FBXW8: variants seen among roughly 807,000 people sequenced by gnomAD.
FBXW8 encodes F-box and WD repeat domain containing 8.
A neutral mutation model predicts 65.3 loss-of-function variants in FBXW8; 57 were observed. The ratio of observed to expected loss-of-function variants is 0.87; its 90% CI spans 0.71 to 1.09. FBXW8 has a LOEUF of 1.09. Ranked by LOEUF, FBXW8 falls within the 50% of genes least tolerant of loss-of-function variation. FBXW8 has a pLI of 0.00. For synonymous variants in FBXW8, 308 were observed against 330.2 expected (o/e 0.93, Z 0.73); for missense variants, 777 against 814.8 (o/e 0.95, Z 0.57).
At chr12:116,923,276 A>AT (rs200829979) in intron 1 of FBXW8, among the ~76,000 whole-genome samples, 6,671 of 149,016 alleles carry the variant, frequency 0.045, 487 homozygotes, top group African/African-American at 0.15. Context: ...GGCCCTTGGC[A>AT]TTTTTTTTTT....
At chr12:116,956,971 A>G (rs2137373514) in intron 4 of FBXW8, among the ~76,000 whole-genome samples, 1 of 151,858 alleles carries the variant, frequency 6.6e-6, no homozygotes, top group Non-Finnish European at 1.5e-5. Flanking sequence ...CCATCTCCAA[A>G]AAATAAACAA....
At chr12:116,990,053 GTATT>G (rs1290657780) in intron 7 of FBXW8, among the ~76,000 whole-genome samples, 1 of 152,092 alleles carries the variant, frequency 6.6e-6, no homozygotes, top group Non-Finnish European at 1.5e-5. Flanking sequence ...CTTCCTCCAT[GTATT>G]TGACCTGTAA....
In FBXW8 at chr12:117,013,189, C is replaced by T. The variant is rs564966136; in HGVS notation, c.1367+2739C>T. 7.2e-4 allele frequency among the ~76,000 whole-genome samples: 110 copies of T among 152,230 alleles called. 1 individual carries two copies. Among genetic ancestry groups the T allele is most frequent in the South Asian group, 2.9e-3 (14 of 4,826 alleles). ...CCCAGGAGGCGGAGGTTGCAGTGAGCTGAGATCACACCACTGCACTCCAGC... is the reference window on the plus strand; with the variant it reads ...CCCAGGAGGCGGAGGTTGCAGTGAGTTGAGATCACACCACTGCACTCCAGC... On this transcript the variant is annotated intron_variant, in intron 8 of 10. Transcript: ENST00000652555.
At chr12:116,996,494 A>G (rs1001582989) in intron 7 of FBXW8, among the ~76,000 whole-genome samples, 5 of 135,370 alleles carry the variant, frequency 3.7e-5, no homozygotes, top group African/African-American at 1.3e-4. Flanking sequence ...CTTTTGTTCC[A>G]TATTCTAGTC....
intron 9 of FBXW8, among the ~76,000 whole-genome samples, chr12:117,024,684 T>C (rs1262613586): frequency 2.0e-5 from 3 of 152,198 alleles, no homozygotes; most frequent in Admixed American, 6.5e-5. Context: ...CTCAAAAACA[T>C]AGGAAGCTCG....
At chr12:116,967,942 A>G (rs1395794646) in intron 5 of FBXW8, among the ~76,000 whole-genome samples, 1 of 151,840 alleles carries the variant, frequency 6.6e-6, no homozygotes, top group African/African-American at 2.4e-5. Flanking sequence ...AATTTTTTAT[A>G]TTTTTAGTAG....
At chr12:116,953,702 G>A (rs930656849) in intron 4 of FBXW8, among the ~76,000 whole-genome samples, 14 of 151,884 alleles carry the variant, frequency 9.2e-5, no homozygotes, top group African/African-American at 3.4e-4. Context: ...GAACCCAGGA[G>A]GTGGAGCTTG....
In FBXW8 at chr12:117,030,742, G is replaced by C. The variant is rs1244110519; in HGVS notation, c.*2570G>C. On this transcript the variant is annotated 3_prime_UTR_variant, in exon 11 of 11. Transcript: ENST00000652555. ...TGGAAGTCGCCTGGGTTTTGTAAAG[G>C]AGAATTTTTTGGACTCAAGCTGTCA... The C allele has an allele frequency of 6.6e-6, 1 of 152,134 alleles. No homozygotes were observed. Among genetic ancestry groups the C allele is most frequent in the African/African-American group, 2.4e-5 (1 of 41,416 alleles). 9.4% of individuals were successfully genotyped at this position (152,134 alleles called of 1,614,324 possible). A position where few individuals can be genotyped will look rare whatever the true frequency, so the allele number is the denominator to read the frequency against.
chr12:116,946,800 G>A (rs1882963887), intron 3 of FBXW8, among the ~76,000 whole-genome samples: 1 of 152,048 alleles, frequency 6.6e-6, no homozygotes, highest in Admixed American at 6.5e-5. Flanking sequence ...AGGCAGAAAG[G>A]TATGACAAAG....
At chr12:116,923,701 TTTTA>T (rs1332173988) in intron 1 of FBXW8, among the ~76,000 whole-genome samples, 3 of 148,562 alleles carry the variant, frequency 2.0e-5, no homozygotes, top group African/African-American at 5.0e-5. Context: ...TTTTTTGTAT[TTTTA>T]ATTAATTAAT....
chr12:116,956,207 G>A (rs956418247), intron 4 of FBXW8, among the ~76,000 whole-genome samples: 5 of 151,860 alleles, frequency 3.3e-5, no homozygotes, highest in African/African-American at 4.8e-5. Context: ...TTAGCATACC[G>A]TTCCTGCCTT....
chr12:117,012,542 A>C (rs531542472), intron 8 of FBXW8, among the ~76,000 whole-genome samples: 4 of 152,304 alleles, frequency 2.6e-5, no homozygotes, highest in African/African-American at 7.2e-5. Flanking sequence ...CATCTAGAAA[A>C]AAGGAATGAG....
chr12:117,011,513 T>C (rs998540920), intron 8 of FBXW8, among the ~76,000 whole-genome samples: 1 of 152,206 alleles, frequency 6.6e-6, no homozygotes, highest in Admixed American at 6.5e-5. Context: ...CCTCAGTGTG[T>C]GTGTGGGGCA....
intron 2 of FBXW8, among the ~76,000 whole-genome samples, chr12:116,933,279 T>TA (rs1881912432): frequency 6.6e-6 from 1 of 152,236 alleles, no homozygotes; most frequent in Non-Finnish European, 1.5e-5. Context: ...CATTAGATGA[T>TA]AAAATCTTCA....
chr12:117,014,640 G>C (rs1459600525), intron 8 of FBXW8, among the ~76,000 whole-genome samples: 1 of 152,186 alleles, frequency 6.6e-6, no homozygotes, highest in Non-Finnish European at 1.5e-5. Flanking sequence ...CAGACGGCAA[G>C]TTCTGTTTAC....
chr12:116,959,104 C>T (rs2137377962), intron 4 of FBXW8, among the ~76,000 whole-genome samples: 1 of 152,294 alleles, frequency 6.6e-6, no homozygotes, highest in East Asian at 1.9e-4. Context: ...TGTTCTCCTG[C>T]ATCCCCTGAG....
chr12:116,927,620 C>T (rs1881430968), intron 1 of FBXW8, among the ~76,000 whole-genome samples: 1 of 152,138 alleles, frequency 6.6e-6, no homozygotes, highest in Non-Finnish European at 1.5e-5. Flanking sequence ...GGGGTGGCCT[C>T]CCTGATTTCA....
intron 5 of FBXW8, chr12:116,978,658 G>A (rs918790326): frequency 2.0e-5 from 3 of 152,210 alleles, no homozygotes; most frequent in African/African-American, 7.2e-5. Context: ...GCTCGCGGCT[G>A]AAATAATTTC....
chr12:116,925,532 C>CT lies in FBXW8; in HGVS notation c.319-2483dup, dbSNP rs111350075. Among the ~76,000 whole-genome samples the CT allele has an allele frequency of 2.6e-5, 4 of 152,106 alleles. 1 individual carries two copies. Among genetic ancestry groups the CT allele is most frequent in the African/African-American group, 9.6e-5 (4 of 41,504 alleles). On this transcript the variant is annotated intron_variant, in intron 1 of 10. Transcript: ENST00000652555. ...GGACCTTCCGTTAGTGTATTGGTTT[C>CT]TTTTTTTTCCCTGCCATTTTCCAGT...
Sources: gnomAD v4.1 joint callset for allele counts (sites outside exome capture counted in the v4.1 genomes callset) on GRCh38, gnomAD v4.1.1 for gene constraint, MANE v1.5 for transcripts, NCBI Gene and HGNC (gene_info 2026-07-23, HGNC 2026-07-21) for gene names.